The following FRMD3 variants were observed in gnomAD, a reference collection of about 807,000 sequenced individuals.
FRMD3 encodes the protein FERM domain containing 3.
FRMD3 carries 33 observed loss-of-function variants against 70.2 expected under a neutral mutation model. The ratio of observed to expected loss-of-function variants is 0.47; its 90% CI spans 0.36 to 0.63. The LOEUF is 0.63. Ranked by LOEUF, FRMD3 falls within the 20% of genes least tolerant of loss-of-function variation. FRMD3 has a pLI of 0.00. For missense variants in FRMD3, 632 were observed against 711.4 expected (o/e 0.89, Z 1.27); for synonymous variants, 279 against 255.9 (o/e 1.09, Z -0.86).
At chr9:83,548,215 A>G in the FRMD3 span, among the ~76,000 whole-genome samples, 15 of 152,238 alleles carry the variant, frequency 9.9e-5, no homozygotes, top group African/African-American at 3.6e-4. Flanking sequence ...CACCTATGCA[A>G]CTAGGTATTC....
chr9:83,479,098 C>G (rs5014095), intron 1 of FRMD3, among the ~76,000 whole-genome samples: 65,345 of 151,560 alleles, frequency 0.43, 14,214 homozygotes, highest in Middle Eastern at 0.46. Context: ...CAGTACCAAA[C>G]TAGGAACTAG....
At chr9:83,519,279 C>A (rs865957266) in intron 1 of FRMD3, among the ~76,000 whole-genome samples, 1 of 152,008 alleles carries the variant, frequency 6.6e-6, no homozygotes, top group Non-Finnish European at 1.5e-5. Flanking sequence ...CTACAAGGAA[C>A]TTAAACAAAT....
At chr9:83,402,555 T>C (rs1290716530) in intron 1 of FRMD3, among the ~76,000 whole-genome samples, 1 of 151,590 alleles carries the variant, frequency 6.6e-6, no homozygotes, top group Non-Finnish European at 1.5e-5. Flanking sequence ...TTTGCTGGGG[T>C]AGGGGGAAAA....
intron 5 of FRMD3, among the ~76,000 whole-genome samples, chr9:83,336,626 T>C (rs959013337): frequency 2.0e-5 from 3 of 147,526 alleles, no homozygotes; most frequent in Non-Finnish European, 4.5e-5. Flanking sequence ...GCATACTAGA[T>C]TAAAGTTGTT....
intron 1 of FRMD3, among the ~76,000 whole-genome samples, chr9:83,479,638 AGGAAGGAAGGAAGGAAGGAAGGAAGG>A (rs1828491526): frequency 2.4e-5 from 1 of 41,326 alleles, no homozygotes; most frequent in African/African-American, 1.3e-4. Flanking sequence ...GAAGGAAGGA[AGGAAGGAAGGAAGGAAGGAAGGAAGG>A]AAGGAAGGAA....
chr9:83,544,973 A>G, the FRMD3 span, among the ~76,000 whole-genome samples: 1 of 152,238 alleles, frequency 6.6e-6, no homozygotes, highest in African/African-American at 2.4e-5. Flanking sequence ...CATGAAAAAA[A>G]GAGTGTGTTA....
intron 13 of FRMD3, among the ~76,000 whole-genome samples, chr9:83,264,824 G>T (rs1833162518): frequency 6.6e-6 from 1 of 150,858 alleles, no homozygotes; most frequent in Non-Finnish European, 1.5e-5. Context: ...AGGGGGGAAG[G>T]TATATCCCTA....
At chr9:83,442,562 G>A (rs1033662861) in intron 1 of FRMD3, among the ~76,000 whole-genome samples, 1 of 151,924 alleles carries the variant, frequency 6.6e-6, no homozygotes, top group African/African-American at 2.4e-5. Flanking sequence ...AGAAAAATAA[G>A]GTTCTAAACT....
chr9:83,436,337 T>C (rs1363465482), intron 1 of FRMD3, among the ~76,000 whole-genome samples: 3 of 152,190 alleles, frequency 2.0e-5, no homozygotes, highest in South Asian at 2.1e-4. Context: ...TAAAACTGTC[T>C]GCACGACAGG....
intron 1 of FRMD3, among the ~76,000 whole-genome samples, chr9:83,407,576 T>C (rs1266678846): frequency 1.3e-5 from 2 of 152,358 alleles, no homozygotes; most frequent in East Asian, 3.9e-4. Context: ...GATTTTGTTT[T>C]CATATGTCTA....
chr9:83,525,575 A>G lies in FRMD3; in HGVS notation c.147+12510T>C, dbSNP rs190983772. Among the ~76,000 whole-genome samples the G allele has an allele frequency of 1.3e-3, 197 of 152,342 alleles. 1 individual carries two copies. The highest frequency in any genetic ancestry group is 2.6e-3 in the Non-Finnish European group (175 of 68,032). ...TGTAGCATGTTGATAGGATTTTAAA[A>G]TGTATTATCTACTTAATGCTCCTGA... On this transcript the variant is annotated intron_variant, in intron 1 of 13. Transcript: ENST00000304195.
chr9:83,571,999 G>T, the FRMD3 span, among the ~76,000 whole-genome samples: 1 of 152,150 alleles, frequency 6.6e-6, no homozygotes, highest in Non-Finnish European at 1.5e-5. Context: ...TTGGAGTAAG[G>T]CCCAAGAATA....
In FRMD3 at chr9:83,246,757, T is replaced by C. The variant is rs532530818; in HGVS notation, c.*1161A>G. On this transcript the variant is annotated 3_prime_UTR_variant, in exon 14 of 14. Transcript: ENST00000304195. ...CAACAAATGGCATGAGGGATCAAAA[T>C]ATTTACCTTAAAGTTTCTCCACTTT... The C allele has an allele frequency of 6.1e-6, 6 of 985,256 alleles. No homozygotes were observed. The South Asian group carries it at 2.8e-4, about 46-fold the overall frequency. 61.0% of individuals were successfully genotyped at this position (985,256 alleles called of 1,614,324 possible).
upstream of FRMD3, among the ~76,000 whole-genome samples, chr9:83,541,604 G>C (rs145952559): frequency 6.6e-6 from 1 of 152,204 alleles, no homozygotes; most frequent in Non-Finnish European, 1.5e-5. Context: ...GCAAGAGATG[G>C]TTGTGAAAGA....
intron 1 of FRMD3, among the ~76,000 whole-genome samples, chr9:83,471,169 C>T (rs1043033473): frequency 2.6e-5 from 4 of 152,198 alleles, no homozygotes; most frequent in African/African-American, 9.7e-5. Flanking sequence ...CAAGATGATA[C>T]ACTCAGAACA....
At chr9:83,335,346 G>A (rs73463641) in intron 6 of FRMD3, among the ~76,000 whole-genome samples, 170 bp downstream of exon 6, 68 of 152,300 alleles carry the variant, frequency 4.5e-4, no homozygotes, top group African/African-American at 1.6e-3. Flanking sequence ...TGTTATTGAC[G>A]GAGGACACCA....
At chr9:83,580,741 T>C in the FRMD3 span, among the ~76,000 whole-genome samples, 2 of 152,180 alleles carry the variant, frequency 1.3e-5, no homozygotes, top group African/African-American at 4.8e-5. Flanking sequence ...TACTTCAAAA[T>C]AACCAAGGGA....
chr9:83,254,803 T>C (rs1832619876), intron 13 of FRMD3, among the ~76,000 whole-genome samples: 1 of 152,120 alleles, frequency 6.6e-6, no homozygotes, highest in African/African-American at 2.4e-5. Context: ...CCTGGACACA[T>C]ACACCTTCCC....
chr9:83,268,982 G>A (rs1028111291), intron 13 of FRMD3, among the ~76,000 whole-genome samples: 1 of 152,162 alleles, frequency 6.6e-6, no homozygotes, highest in Non-Finnish European at 1.5e-5. Flanking sequence ...CGCAAAGGTG[G>A]GGCCCAGGAC....
Sources: gnomAD v4.1 joint callset for allele counts (sites outside exome capture counted in the v4.1 genomes callset) on GRCh38, gnomAD v4.1.1 for gene constraint, MANE v1.5 for transcripts, NCBI Gene and HGNC (gene_info 2026-07-23, HGNC 2026-07-21) for gene names.